Variants in ZFYVE9 observed in about 807,000 individuals in gnomAD.
The protein encoded by ZFYVE9 is zinc finger FYVE domain-containing protein 9.
A neutral mutation model predicts 126.7 loss-of-function variants in ZFYVE9; 43 were observed. The ratio of observed to expected loss-of-function variants is 0.34; its 90% CI spans 0.27 to 0.44. ZFYVE9 has a LOEUF of 0.44. ZFYVE9 is among the 20% of genes least tolerant of loss of function. ZFYVE9 has a pLI of 1.00. For synonymous variants in ZFYVE9, 521 were observed against 597.4 expected (o/e 0.87, Z 1.87); for missense variants, 1,476 against 1,697.0 (o/e 0.87, Z 2.29).
At chr1:52,280,174 C>T (rs747787971) in intron 9 of ZFYVE9, among the ~76,000 whole-genome samples, 4 of 144,146 alleles carry the variant, frequency 2.8e-5, no homozygotes, top group African/African-American at 5.2e-5. Flanking sequence ...CCCAGGAGTT[C>T]GAGACTAGCC....
At chr1:52,270,420 T>G (rs868457985) in intron 7 of ZFYVE9, among the ~76,000 whole-genome samples, 1 of 152,016 alleles carries the variant, frequency 6.6e-6, no homozygotes, top group Non-Finnish European at 1.5e-5. Context: ...CCCGCCACCA[T>G]GCCCAGCTAA....
chr1:52,253,936 C>G (rs537656418), intron 4 of ZFYVE9: 2 of 950,088 alleles, frequency 2.1e-6, no homozygotes, highest in East Asian at 4.8e-5. Flanking sequence ...TCACAACCTT[C>G]AAGAAATTCG....
At chr1:52,315,596 G>T (rs1047364331) in intron 13 of ZFYVE9, among the ~76,000 whole-genome samples, 1 of 152,028 alleles carries the variant, frequency 6.6e-6, no homozygotes, top group East Asian at 1.9e-4. Flanking sequence ...TTAAAGATAC[G>T]TAATATAAAC....
At chr1:52,244,434 T>C (rs1274138188) in intron 4 of ZFYVE9, among the ~76,000 whole-genome samples, 2 of 152,158 alleles carry the variant, frequency 1.3e-5, no homozygotes, top group African/African-American at 4.8e-5. Context: ...TGGGTGGGGC[T>C]AGACAGAGGT....
intron 13 of ZFYVE9, among the ~76,000 whole-genome samples, chr1:52,308,774 A>G (rs1646109918): frequency 6.6e-6 from 1 of 152,158 alleles, no homozygotes; most frequent in Non-Finnish European, 1.5e-5. Context: ...TATGCATACT[A>G]TTTGTAATAA....
At chr1:52,271,358 C>A (rs535443832) in intron 7 of ZFYVE9, among the ~76,000 whole-genome samples, 187 of 152,160 alleles carry the variant, frequency 1.2e-3, no homozygotes, top group African/African-American at 4.2e-3. Context: ...TAATATTTTT[C>A]TTATTTTTAT....
At chr1:52,147,859 G>A (rs1046227311) in intron 1 of ZFYVE9, among the ~76,000 whole-genome samples, 4 of 151,866 alleles carry the variant, frequency 2.6e-5, no homozygotes, top group Non-Finnish European at 4.4e-5. Flanking sequence ...ATTTCTTCAC[G>A]TCCTCACCAA....
intron 1 of ZFYVE9, among the ~76,000 whole-genome samples, chr1:52,213,105 G>A (rs1326657045): frequency 6.6e-6 from 1 of 152,138 alleles, no homozygotes; most frequent in Non-Finnish European, 1.5e-5. Context: ...CTCATTCTGG[G>A]TAAAAAGTAC....
At chr1:52,344,586 GT>G (rs1011199236) in intron 17 of ZFYVE9, among the ~76,000 whole-genome samples, 181 bp from the exon 18 acceptor site, 15 of 147,724 alleles carry the variant, frequency 1.0e-4, no homozygotes, top group African/African-American at 3.5e-4. Context: ...GACAGGGATT[GT>G]TTTTTTTTTA....
intron 1 of ZFYVE9, among the ~76,000 whole-genome samples, chr1:52,206,239 T>C (rs1644977001): frequency 6.6e-6 from 1 of 152,164 alleles, no homozygotes; most frequent in South Asian, 2.1e-4. Flanking sequence ...ACCAGGCTAA[T>C]AAACTGGTTA....
intron 13 of ZFYVE9, among the ~76,000 whole-genome samples, chr1:52,304,291 C>G (rs891825604): frequency 6.6e-6 from 1 of 152,008 alleles, no homozygotes; most frequent in African/African-American, 2.4e-5. Context: ...GAGATGGAGT[C>G]TCACTGTGTC....
intron 1 of ZFYVE9, among the ~76,000 whole-genome samples, chr1:52,172,149 C>T (rs1345014931): frequency 6.6e-6 from 1 of 152,118 alleles, no homozygotes; most frequent in Non-Finnish European, 1.5e-5. Flanking sequence ...ACGTTTAAGT[C>T]TTTAGTCCAT....
intron 8 of ZFYVE9, among the ~76,000 whole-genome samples, chr1:52,274,948 C>A (rs1645730863): frequency 6.6e-6 from 1 of 152,070 alleles, no homozygotes; most frequent in Non-Finnish European, 1.5e-5. Context: ...GTATAATATA[C>A]ATTCAGAAAG....
At chr1:52,211,314 T>G (rs886671115) in intron 1 of ZFYVE9, among the ~76,000 whole-genome samples, 22 of 152,278 alleles carry the variant, frequency 1.4e-4, no homozygotes, top group African/African-American at 5.1e-4. Flanking sequence ...AATGTGACTG[T>G]GACACCTGAG....
At position 52,281,171 on chromosome 1, in the gene ZFYVE9, C is replaced by T. The variant is rs559868663; in HGVS notation, c.2870-490C>T. Among the ~76,000 whole-genome samples, 91 of 140,694 alleles carry T rather than the reference C, an allele frequency of 6.5e-4. No homozygotes were observed. The East Asian group carries it at 0.012, about 18-fold the overall frequency. 92.3% of individuals were successfully genotyped at this position (140,694 alleles called of 152,430 possible). ...TTTTTGAGACGGAGTCTCACTCTTT[C>T]GCCTAGGCTGGAGTGCAGTGGCTCG... On this transcript the variant is annotated intron_variant, in intron 9 of 18. Coordinates refer to ENST00000287727, the MANE Select transcript of ZFYVE9 (RefSeq NM_004799.4).
chr1:52,180,031 A>T (rs1219928633), intron 1 of ZFYVE9: 2 of 837,192 alleles, frequency 2.4e-6, no homozygotes, highest in African/African-American at 1.7e-5. Flanking sequence ...TTTAATGAGG[A>T]GGATGAATGT....
chr1:52,319,659 G>A lies in ZFYVE9; in HGVS notation c.3439-13109G>A, dbSNP rs1042616726. On this transcript the variant is annotated intron_variant, in intron 13 of 18. Transcript: ENST00000287727. ...AAAATAAAAACAAATAAAAATTGAG[G>A]TACTGATCCTGAAATTTATATGGGG... Among the ~76,000 whole-genome samples, 7 of 151,456 alleles carry A rather than the reference G, an allele frequency of 4.6e-5. No individual in the cohort carries two copies. The South Asian group carries it at 1.0e-3, about 23-fold the overall frequency.
chr1:52,298,116 AAT>A (rs1308568182), intron 12 of ZFYVE9, among the ~76,000 whole-genome samples: 2 of 152,088 alleles, frequency 1.3e-5, no homozygotes, highest in Non-Finnish European at 2.9e-5. Flanking sequence ...TCACTCTGTT[AAT>A]AGTTTCCTTT....
Position 52,239,354 on chromosome 1 carries a change from G to C in ZFYVE9, c.1937G>C (p.Gly646Ala). The C allele has an allele frequency of 6.2e-7, 1 of 1,614,138 alleles. No individual in the cohort carries two copies. ...LGNISNVDTN[G>A]EHLESYEAEI... Reference sequence around the variant, plus strand: ...AACATCTCTAATGTCGATACAAATGGGGAACATTTAGAAAGTTATGAGGCT... The same window carrying C: ...AACATCTCTAATGTCGATACAAATGCGGAACATTTAGAAAGTTATGAGGCT... Residue 646 changes from glycine to alanine, a missense_variant, in exon 4 of 19, where the codon GGG becomes GCG. Transcript: ENST00000287727.
Sources: gnomAD v4.1 joint callset for allele counts (sites outside exome capture counted in the v4.1 genomes callset) on GRCh38, gnomAD v4.1.1 for gene constraint, MANE v1.5 for transcripts, NCBI Gene and HGNC (gene_info 2026-07-23, HGNC 2026-07-21) for gene names.